Variants in NSUN3 observed in about 807,000 individuals in gnomAD.
NSUN3 encodes tRNA (cytosine(34)-C(5))-methyltransferase, mitochondrial.
Under a neutral mutation model 36.8 loss-of-function variants are expected in NSUN3, and 24 were observed. That is an observed-to-expected ratio of 0.65 (90% CI 0.47 to 0.92). The LOEUF is 0.92. NSUN3 is among the 40% of genes least tolerant of loss of function. The probability of loss-of-function intolerance (pLI) is 0.00; values close to 1 mark genes in which losing one functional copy is unlikely to be tolerated. For missense variants in NSUN3, 381 were observed against 392.8 expected (o/e 0.97, Z 0.25); for synonymous variants, 146 against 145.2 (o/e 1.01, Z -0.04).
chr3:94,063,614 G>A (rs1039641031), intron 1 of NSUN3, among the ~76,000 whole-genome samples: 3 of 151,818 alleles, frequency 2.0e-5, no homozygotes, highest in Admixed American at 1.3e-4. Context: ...CAGCATCCCC[G>A]GTGACTTTTT....
At chr3:94,088,670 C>CTTT (rs747748539) in intron 3 of NSUN3, among the ~76,000 whole-genome samples, 6 of 132,452 alleles carry the variant, frequency 4.5e-5, no homozygotes, top group African/African-American at 1.1e-4. Context: ...GGGACAGATC[C>CTTT]TTTTTTTTTT....
At chr3:94,080,969 C>T (rs1470586808) in intron 2 of NSUN3, among the ~76,000 whole-genome samples, 1 of 152,204 alleles carries the variant, frequency 6.6e-6, no homozygotes, top group African/African-American at 2.4e-5. Context: ...AAAGAAAACT[C>T]CTGCAGCTAG....
rs375075167 is a variant in NSUN3 at position 94,075,068 on chromosome 3, G to A, written c.123-9039G>A. ...CTGCATCTATTGAGATAATCATGTG[G>A]TTTTTGTCATTGGGTCTGTTTATGT... On this transcript the variant is annotated intron_variant, in intron 2 of 5. Coordinates refer to ENST00000314622, the MANE Select transcript of NSUN3 (RefSeq NM_022072.5). Among the ~76,000 whole-genome samples the A allele has an allele frequency of 1.4e-4, 22 of 151,974 alleles. No individual in the cohort carries two copies. The South Asian group carries it at 4.4e-3, about 30-fold the overall frequency.
intron 2 of NSUN3, among the ~76,000 whole-genome samples, chr3:94,072,910 C>T (rs1403308774): frequency 6.6e-6 from 1 of 152,026 alleles, no homozygotes; most frequent in Non-Finnish European, 1.5e-5. Context: ...CCCATCAACC[C>T]ATCACCTACA....
rs146422030 is a variant in NSUN3 at position 94,111,997 on chromosome 3, C to T, written c.744-14214C>T. Among the ~76,000 whole-genome samples the T allele has an allele frequency of 1.2e-4, 18 of 152,222 alleles. No homozygotes were observed. The East Asian group carries it at 3.1e-3, about 26-fold the overall frequency. ...TTATACAGCTATGAAGGCTAAGTCC[C>T]AAATTTGCTGGATGTGCTAGAGCCT... On this transcript the variant is annotated intron_variant, in intron 5 of 5. Coordinates refer to ENST00000314622, the MANE Select transcript of NSUN3 (RefSeq NM_022072.5).
chr3:94,107,026 G>A (rs367641870), intron 5 of NSUN3, among the ~76,000 whole-genome samples: 35 of 151,146 alleles, frequency 2.3e-4, no homozygotes, highest in African/African-American at 8.0e-4. Context: ...CACTGCAACC[G>A]CCACCTCCCA....
At chr3:94,095,913 A>ATTTTTTTTTTT (rs60524751) in intron 5 of NSUN3, among the ~76,000 whole-genome samples, 4 of 124,530 alleles carry the variant, frequency 3.2e-5, no homozygotes, top group Non-Finnish European at 3.3e-5. Context: ...AGCCTAGCTA[A>ATTTTTTTTTTT]TTTTTTTTTT....
chr3:94,084,711 A>T (rs552656369), intron 3 of NSUN3: 33 of 366,142 alleles, frequency 9.0e-5, no homozygotes, highest in African/African-American at 5.8e-4. Context: ...GATAATATGA[A>T]TGCTGATAAG....
rs542189481 is a variant in NSUN3 at position 94,079,451 on chromosome 3, T to A, written c.123-4656T>A. 1.1e-3 allele frequency among the ~76,000 whole-genome samples: 170 copies of A among 152,292 alleles called. 1 individual carries two copies. The highest frequency in any genetic ancestry group is 4.1e-3 in the African/African-American group (169 of 41,572). ...AGTATCTTTGTGGTGGTCTCTGTAT[T>A]TCCTCAATTTGAATTTTGGCCTGCC... On this transcript the variant is annotated intron_variant, in intron 2 of 5. Transcript: ENST00000314622.
chr3:94,098,693 T>A (rs1278597025), intron 5 of NSUN3, among the ~76,000 whole-genome samples: 1 of 152,140 alleles, frequency 6.6e-6, no homozygotes, highest in Admixed American at 6.5e-5. Flanking sequence ...CCACACAGTG[T>A]CTCATTTCTG....
intron 2 of NSUN3, among the ~76,000 whole-genome samples, chr3:94,065,420 A>C (rs893876158): frequency 6.6e-6 from 1 of 152,230 alleles, no homozygotes; most frequent in Non-Finnish European, 1.5e-5. Flanking sequence ...TGCACTGTTC[A>C]TGAAGTTAGG....
At chr3:94,076,088 A>G in intron 2 of NSUN3, 1 of 1,536,572 alleles carries the variant, frequency 6.5e-7, no homozygotes, top group Non-Finnish European at 9.0e-7. Context: ...AATAAACAAC[A>G]ACTCTGGTGA....
At chr3:94,065,420 A>G (rs893876158) in intron 2 of NSUN3, among the ~76,000 whole-genome samples, 1 of 152,230 alleles carries the variant, frequency 6.6e-6, no homozygotes, top group Non-Finnish European at 1.5e-5. Flanking sequence ...TGCACTGTTC[A>G]TGAAGTTAGG....
chr3:94,101,916 G>C (rs1205593136), intron 5 of NSUN3, among the ~76,000 whole-genome samples: 1 of 152,012 alleles, frequency 6.6e-6, no homozygotes, highest in African/African-American at 2.4e-5. Flanking sequence ...TTTTAGGTGG[G>C]AAAGCACTAA....
chr3:94,088,857 T>C (rs1364014718), intron 3 of NSUN3, among the ~76,000 whole-genome samples: 1 of 151,976 alleles, frequency 6.6e-6, no homozygotes, highest in African/African-American at 2.4e-5. Flanking sequence ...TTAGTAGAAA[T>C]GGGGTTTCAC....
intron 3 of NSUN3, among the ~76,000 whole-genome samples, chr3:94,090,425 A>C (rs1052408954): frequency 6.6e-6 from 1 of 152,198 alleles, no homozygotes; most frequent in African/African-American, 2.4e-5. Flanking sequence ...GACTCAGACT[A>C]TATATAATTT....
intron 2 of NSUN3, among the ~76,000 whole-genome samples, chr3:94,069,453 T>C (rs1304546898): frequency 6.6e-6 from 1 of 152,216 alleles, no homozygotes; most frequent in Non-Finnish European, 1.5e-5. Context: ...AATCAAGGAA[T>C]TTCTCTTTTT....
intron 2 of NSUN3, among the ~76,000 whole-genome samples, chr3:94,080,698 C>T (rs1362667594): frequency 2.6e-5 from 4 of 152,218 alleles, no homozygotes; most frequent in Non-Finnish European, 5.9e-5. Flanking sequence ...GCTTTGTTTA[C>T]ACTGTGAGGG....
At chr3:94,076,141 A>C in intron 2 of NSUN3, 6 of 1,312,546 alleles carry the variant, frequency 4.6e-6, no homozygotes, top group Non-Finnish European at 6.6e-6. Context: ...CTCCAATTTT[A>C]CTTAAATCCT....
Sources: allele counts gnomAD v4.1 joint callset (sites outside exome capture counted in the v4.1 genomes callset), GRCh38; gene constraint gnomAD v4.1.1; transcripts MANE v1.5; gene names NCBI Gene and HGNC (gene_info 2026-07-23, HGNC 2026-07-21).